ZNF804B: variants seen among roughly 807,000 people sequenced by gnomAD.
ZNF804B encodes zinc finger 804B.
Under a neutral mutation model 101.4 loss-of-function variants are expected in ZNF804B, and 80 were observed. That is an observed-to-expected ratio of 0.79 (90% CI 0.66 to 0.95). The LOEUF (loss-of-function observed/expected upper bound fraction) is 0.95, where lower values mean the gene tolerates loss of function less well. Among genes scored for constraint, ZNF804B ranks in the 40% least tolerant of loss-of-function variants. The pLI is 0.00. For synonymous variants in ZNF804B, 622 were observed against 558.8 expected (o/e 1.11, Z -1.59); for missense variants, 1,673 against 1,561.9 (o/e 1.07, Z -1.20).
chr7:88,785,113 A>C (rs537854480), intron 1 of ZNF804B, among the ~76,000 whole-genome samples: 1 of 152,100 alleles, frequency 6.6e-6, no homozygotes, highest in East Asian at 1.9e-4. Context: ...CAAACTCTGT[A>C]TTGGACAGTA....
intron 1 of ZNF804B, among the ~76,000 whole-genome samples, chr7:89,094,115 A>G (rs1197122464): frequency 6.6e-6 from 1 of 152,244 alleles, no homozygotes; most frequent in Non-Finnish European, 1.5e-5. Flanking sequence ...CAGAAAAATG[A>G]AGATGCGGCT....
At chr7:89,291,586 CAAAAG>C (rs968938305) in intron 2 of ZNF804B, among the ~76,000 whole-genome samples, 23 of 150,826 alleles carry the variant, frequency 1.5e-4, no homozygotes, top group African/African-American at 5.6e-4. Context: ...ACAGAGGACA[CAAAAG>C]AAAAAAGAAT....
At chr7:88,789,607 A>G (rs751806595) in intron 1 of ZNF804B, among the ~76,000 whole-genome samples, 6 of 152,132 alleles carry the variant, frequency 3.9e-5, no homozygotes, top group Non-Finnish European at 7.4e-5. Flanking sequence ...TACTACATAC[A>G]TCCTGTCCAC....
intron 1 of ZNF804B, among the ~76,000 whole-genome samples, chr7:88,869,264 T>G (rs1049862468): frequency 2.6e-5 from 4 of 152,204 alleles, no homozygotes; most frequent in African/African-American, 9.6e-5. Context: ...ATGGCATTTA[T>G]TTTTGGTTCC....
chr7:89,104,396 C>G (rs1308707495), intron 1 of ZNF804B, among the ~76,000 whole-genome samples: 1 of 151,906 alleles, frequency 6.6e-6, no homozygotes, highest in East Asian at 1.9e-4. Context: ...TTTTCTACTA[C>G]TGATTCAATG....
At chr7:88,847,593 T>C (rs987429004) in intron 1 of ZNF804B, among the ~76,000 whole-genome samples, 2 of 152,130 alleles carry the variant, frequency 1.3e-5, no homozygotes, top group African/African-American at 4.8e-5. Context: ...GTTATCTAAA[T>C]GTGGGGGTAC....
At chr7:89,270,511 C>T (rs1789876397) in intron 2 of ZNF804B, among the ~76,000 whole-genome samples, 1 of 152,154 alleles carries the variant, frequency 6.6e-6, no homozygotes, top group South Asian at 2.1e-4. Flanking sequence ...ATGCCTCCAG[C>T]TTTGCCCTTT....
chr7:89,197,087 A>C (rs62463594), intron 1 of ZNF804B, among the ~76,000 whole-genome samples: 18,552 of 152,064 alleles, frequency 0.12, 1,219 homozygotes, highest in Middle Eastern at 0.25. Flanking sequence ...TGGCAGAAAT[A>C]CTATTTGACC....
intron 2 of ZNF804B, among the ~76,000 whole-genome samples, chr7:89,310,564 T>G (rs986264061): frequency 6.6e-6 from 1 of 152,134 alleles, no homozygotes; most frequent in Admixed American, 6.6e-5. Flanking sequence ...GCAAAAACCC[T>G]TTCACTGTGC....
At chr7:89,160,048 C>T (rs1306454214) in intron 1 of ZNF804B, among the ~76,000 whole-genome samples, 6 of 152,142 alleles carry the variant, frequency 3.9e-5, no homozygotes, top group African/African-American at 7.2e-5. Flanking sequence ...TCATCACTCT[C>T]TCTTAATCTT....
intron 2 of ZNF804B, among the ~76,000 whole-genome samples, chr7:89,219,586 T>G (rs1043885164): frequency 3.3e-5 from 5 of 151,642 alleles, no homozygotes; most frequent in African/African-American, 7.3e-5. Context: ...GATGTTATCC[T>G]TGCTGATTGA....
At chr7:89,209,140 A>T (rs991989561) in intron 1 of ZNF804B, among the ~76,000 whole-genome samples, 10 of 152,224 alleles carry the variant, frequency 6.6e-5, no homozygotes, top group African/African-American at 2.4e-4. Context: ...ACAGAAATGT[A>T]GTCAACAGTC....
chr7:88,770,455 A>G (rs1027100614), intron 1 of ZNF804B, among the ~76,000 whole-genome samples: 3 of 152,220 alleles, frequency 2.0e-5, no homozygotes, highest in Admixed American at 6.5e-5. Flanking sequence ...GGATTCTCCC[A>G]TAGAGGCTCA....
At chr7:88,898,843 C>T (rs1792347200) in intron 1 of ZNF804B, among the ~76,000 whole-genome samples, 1 of 152,180 alleles carries the variant, frequency 6.6e-6, no homozygotes, top group African/African-American at 2.4e-5. Context: ...CTCTGGGCTC[C>T]TGCTTCAGGG....
intron 1 of ZNF804B, among the ~76,000 whole-genome samples, chr7:89,014,326 T>G (rs1341320597): frequency 1.3e-5 from 2 of 152,154 alleles, no homozygotes; most frequent in African/African-American, 2.4e-5. Context: ...TTTTGTTGTT[T>G]TTTTAGATGG....
At chr7:89,130,679 G>A (rs182072913) in intron 1 of ZNF804B, among the ~76,000 whole-genome samples, 6 of 152,056 alleles carry the variant, frequency 3.9e-5, no homozygotes, top group African/African-American at 1.2e-4. Context: ...GAGAGGGGAC[G>A]CCTTTAAAGA....
chr7:89,245,399 G>A (rs2115773099), intron 2 of ZNF804B, among the ~76,000 whole-genome samples: 1 of 152,120 alleles, frequency 6.6e-6, no homozygotes. Flanking sequence ...AGGAATAATA[G>A]ACATACTGCT....
intron 1 of ZNF804B, among the ~76,000 whole-genome samples, chr7:88,898,215 T>G (rs890683984): frequency 6.6e-5 from 10 of 151,040 alleles, no homozygotes; most frequent in African/African-American, 2.4e-4. Flanking sequence ...GCCTCCCGAG[T>G]AGCTGGAACT....
chr7:88,870,337 A>G (rs557875972), intron 1 of ZNF804B, among the ~76,000 whole-genome samples: 8 of 138,006 alleles, frequency 5.8e-5, no homozygotes, highest in African/African-American at 2.2e-4. Context: ...GTGAGTCGAG[A>G]TCGCGCCACT....
Sources: gnomAD v4.1 joint callset for allele counts (sites outside exome capture counted in the v4.1 genomes callset) on GRCh38, gnomAD v4.1.1 for gene constraint, MANE v1.5 for transcripts, NCBI Gene and HGNC (gene_info 2026-07-23, HGNC 2026-07-21) for gene names.